GRM8: variants seen among roughly 807,000 people sequenced by gnomAD.
GRM8 encodes glutamate metabotropic receptor 8.
In GRM8, 47 loss-of-function variants were observed where a neutral mutation model predicts 87.2. That is an observed-to-expected ratio of 0.54 (90% CI 0.43 to 0.69). The LOEUF (loss-of-function observed/expected upper bound fraction) is 0.69, where lower values mean the gene tolerates loss of function less well. GRM8 is among the 30% of genes least tolerant of loss of function. The probability of loss-of-function intolerance (pLI) is 0.00; values close to 1 mark genes in which losing one functional copy is unlikely to be tolerated. For synonymous variants in GRM8, 396 were observed against 404.5 expected (o/e 0.98, Z 0.25); for missense variants, 1,019 against 1,139.2 (o/e 0.89, Z 1.52).
At chr7:127,204,019 T>C (rs1332333857) in intron 2 of GRM8, among the ~76,000 whole-genome samples, 1 of 152,090 alleles carries the variant, frequency 6.6e-6, no homozygotes, top group African/African-American at 2.4e-5. Context: ...AATTTAAGAG[T>C]TGTAGTCAAA....
At chr7:126,646,306 A>AAGGAAGGAAGGAAG (rs1554436859) in intron 7 of GRM8, among the ~76,000 whole-genome samples, 5 of 35,808 alleles carry the variant, frequency 1.4e-4, no homozygotes, top group East Asian at 1.8e-3. Flanking sequence ...AAGGAAGGAA[A>AAGGAAGGAAGGAAG]GAAGGAAGGA....
At chr7:126,980,559 T>C (rs1425210042) in intron 3 of GRM8, among the ~76,000 whole-genome samples, 1 of 152,228 alleles carries the variant, frequency 6.6e-6, no homozygotes, top group East Asian at 1.9e-4. Context: ...TCCTTGATTC[T>C]GTCTTGAAAG....
chr7:126,564,061 A>T (rs1793978163), intron 8 of GRM8, among the ~76,000 whole-genome samples: 1 of 152,196 alleles, frequency 6.6e-6, no homozygotes, highest in Non-Finnish European at 1.5e-5. Flanking sequence ...CCCTTTGGAG[A>T]TGAGGAAGAG....
At chr7:126,734,485 ATTC>A (rs1813972304) in intron 7 of GRM8, among the ~76,000 whole-genome samples, 2 of 151,298 alleles carry the variant, frequency 1.3e-5, no homozygotes, top group African/African-American at 4.8e-5. Flanking sequence ...ATAGTAATAT[ATTC>A]TTAATATTTC....
At position 126,508,062 on chromosome 7, in the gene GRM8, C is replaced by A. The variant is rs370931289; in HGVS notation, c.2430+24890G>T. 2.4e-4 allele frequency among the ~76,000 whole-genome samples: 37 copies of A among 152,154 alleles called. 1 individual carries two copies. The highest frequency in any genetic ancestry group is 7.7e-4 in the African/African-American group (32 of 41,540). ...TCAACAAGTGAAGATGTTCAATAAA[C>A]CCTCATCATAGAGTATTCATTAATT... On this transcript the variant is annotated intron_variant, in intron 9 of 10. Coordinates refer to ENST00000339582, the MANE Select transcript of GRM8 (RefSeq NM_000845.3).
At chr7:126,814,723 A>G (rs73723503) in intron 6 of GRM8, among the ~76,000 whole-genome samples, 3,805 of 151,574 alleles carry the variant, frequency 0.025, 169 homozygotes, top group African/African-American at 0.088. Flanking sequence ...GTCTATTATA[A>G]TTAAGTCAGA....
intron 2 of GRM8, among the ~76,000 whole-genome samples, chr7:127,205,921 G>A (rs1795884758): frequency 6.6e-6 from 1 of 152,010 alleles, no homozygotes; most frequent in Admixed American, 6.5e-5. Context: ...AAGCAGAAAT[G>A]TATATGACCA....
intron 3 of GRM8, among the ~76,000 whole-genome samples, chr7:126,952,461 T>C (rs1381756232): frequency 6.6e-6 from 1 of 152,022 alleles, no homozygotes; most frequent in Non-Finnish European, 1.5e-5. Flanking sequence ...GCTGAAATCA[T>C]TTGTTCACAG....
intron 3 of GRM8, among the ~76,000 whole-genome samples, chr7:127,072,215 C>G (rs938162927): frequency 2.0e-5 from 3 of 152,190 alleles, no homozygotes; most frequent in Non-Finnish European, 2.9e-5. Flanking sequence ...GCTCAGCAAG[C>G]ATTCTCCCTT....
intron 9 of GRM8, among the ~76,000 whole-genome samples, chr7:126,530,857 T>C (rs1814703401): frequency 6.6e-6 from 1 of 152,180 alleles, no homozygotes; most frequent in Non-Finnish European, 1.5e-5. Context: ...TCCCAGCCTG[T>C]AGGGCAGTGG....
intron 7 of GRM8, among the ~76,000 whole-genome samples, chr7:126,747,834 G>A (rs556485163): frequency 2.6e-5 from 4 of 151,780 alleles, no homozygotes; most frequent in Admixed American, 2.0e-4. Flanking sequence ...CTTCTCCATC[G>A]CCTCCTTGCT....
At chr7:127,018,022 T>C (rs1815860303) in intron 3 of GRM8, among the ~76,000 whole-genome samples, 1 of 152,076 alleles carries the variant, frequency 6.6e-6, no homozygotes, top group South Asian at 2.1e-4. Context: ...CAAGGAGGAA[T>C]ATACAGATTC....
chr7:126,809,283 C>T (rs1189899516), intron 6 of GRM8, among the ~76,000 whole-genome samples: 1 of 152,136 alleles, frequency 6.6e-6, no homozygotes, highest in Non-Finnish European at 1.5e-5. Context: ...ACCCCCTTGA[C>T]ATATAGGATG....
intron 3 of GRM8, among the ~76,000 whole-genome samples, chr7:126,917,175 C>T (rs1367171856): frequency 2.0e-5 from 3 of 152,080 alleles, no homozygotes; most frequent in Admixed American, 2.0e-4. Flanking sequence ...AGGGGTCTTG[C>T]TATGTTGGCC....
chr7:127,098,144 A>C (rs535913737), intron 3 of GRM8, among the ~76,000 whole-genome samples: 36 of 152,338 alleles, frequency 2.4e-4, no homozygotes, highest in African/African-American at 8.7e-4. Context: ...CTTGCCAATT[A>C]CCTGGTGTTA....
intron 8 of GRM8, among the ~76,000 whole-genome samples, chr7:126,558,371 G>GTA (rs1793366178): frequency 2.0e-5 from 3 of 152,130 alleles, no homozygotes; most frequent in Non-Finnish European, 2.9e-5. Flanking sequence ...CAAGGGCCAT[G>GTA]TGTATATACA....
At position 127,081,060 on chromosome 7, in the gene GRM8, G is replaced by A. The variant is rs866228409; in HGVS notation, c.727+25436C>T. On this transcript the variant is annotated intron_variant, in intron 3 of 10. Transcript: ENST00000339582. ...AATATGGTCAGCAGCGATATTTAAG[G>A]GAGAAGATTTCGGTGTCAGAGAATA... 3.3e-5 allele frequency among the ~76,000 whole-genome samples: 5 copies of A among 152,126 alleles called. No homozygotes were observed. In the East Asian group the frequency reaches 9.6e-4, roughly 29 times the overall value.
At chr7:127,238,669 C>T (rs1798122464) in intron 2 of GRM8, among the ~76,000 whole-genome samples, 1 of 152,202 alleles carries the variant, frequency 6.6e-6, no homozygotes, top group African/African-American at 2.4e-5. Context: ...CTTCTGTTCC[C>T]AGGTTGTGTC....
intron 9 of GRM8, among the ~76,000 whole-genome samples, chr7:126,519,164 A>T (rs866294730): frequency 6.6e-6 from 1 of 152,112 alleles, no homozygotes; most frequent in South Asian, 2.1e-4. Context: ...AAGAATTATG[A>T]TGATCTCTTC....
Sources: gnomAD v4.1 joint callset for allele counts (sites outside exome capture counted in the v4.1 genomes callset) on GRCh38, gnomAD v4.1.1 for gene constraint, MANE v1.5 for transcripts, NCBI Gene and HGNC (gene_info 2026-07-23, HGNC 2026-07-21) for gene names.